The following IL1RAP variants were observed in gnomAD, a reference collection of about 807,000 sequenced individuals.
The protein encoded by IL1RAP is interleukin-1 receptor accessory protein.
In IL1RAP, 35 loss-of-function variants were observed where a neutral mutation model predicts 60.7. That is an observed-to-expected ratio of 0.58 (90% CI 0.44 to 0.76). The LOEUF is 0.76. Among genes scored for constraint, IL1RAP ranks in the 30% least tolerant of loss-of-function variants. IL1RAP has a pLI of 0.00. For missense variants in IL1RAP, 572 were observed against 693.9 expected (o/e 0.82, Z 1.97); for synonymous variants, 268 against 250.9 (o/e 1.07, Z -0.64).
At chr3:190,627,550 C>G in intron 8 of IL1RAP, 101 bp downstream of exon 8, 1 of 1,381,068 alleles carries the variant, frequency 7.2e-7, no homozygotes, top group Non-Finnish European at 9.6e-7. Context: ...CTCATTTTTC[C>G]CTATCACTAA....
chr3:190,535,070 G>A (rs967246519), intron 1 of IL1RAP, among the ~76,000 whole-genome samples: 15 of 152,078 alleles, frequency 9.9e-5, no homozygotes, highest in African/African-American at 3.6e-4. Flanking sequence ...CAGGGTATAT[G>A]GATTTCCTGT....
chr3:190,572,805 A>G (rs1237446957), intron 3 of IL1RAP, among the ~76,000 whole-genome samples: 1 of 150,076 alleles, frequency 6.7e-6, no homozygotes, highest in Non-Finnish European at 1.5e-5. Context: ...GTTTCCTTAC[A>G]TCTAGTGCCC....
chr3:190,526,040 A>G (rs2108522377), intron 1 of IL1RAP, among the ~76,000 whole-genome samples: 1 of 152,328 alleles, frequency 6.6e-6, no homozygotes, highest in Non-Finnish European at 1.5e-5. Context: ...ACAAATTTAA[A>G]TGGTACCTAA....
At chr3:190,558,295 C>A (rs1413161442) in intron 2 of IL1RAP, among the ~76,000 whole-genome samples, 2 of 152,064 alleles carry the variant, frequency 1.3e-5, no homozygotes, top group African/African-American at 2.4e-5. Context: ...TTCCCTTGGA[C>A]AAATATCCAA....
chr3:190,613,684 C>G (rs200932132), intron 5 of IL1RAP, among the ~76,000 whole-genome samples: 21 of 151,970 alleles, frequency 1.4e-4, no homozygotes, highest in African/African-American at 4.8e-4. Flanking sequence ...AATACAAAAA[C>G]TAGCCGGGCA....
intron 1 of IL1RAP, among the ~76,000 whole-genome samples, chr3:190,548,703 G>A (rs534265151): frequency 1.3e-5 from 2 of 152,326 alleles, no homozygotes; most frequent in African/African-American, 2.4e-5. Context: ...AGAGGTTTTA[G>A]AAAAGGAATA....
At chr3:190,586,518 C>T (rs1460152775) in intron 3 of IL1RAP, among the ~76,000 whole-genome samples, 4 of 152,156 alleles carry the variant, frequency 2.6e-5, no homozygotes, top group African/African-American at 9.7e-5. Flanking sequence ...GTGATTATGC[C>T]CTCCTATCTA....
At chr3:190,549,461 C>A (rs1364339313) in intron 1 of IL1RAP, among the ~76,000 whole-genome samples, 1 of 152,058 alleles carries the variant, frequency 6.6e-6, no homozygotes, top group Non-Finnish European at 1.5e-5. Flanking sequence ...TGTAAGGGTC[C>A]CCAGCAGAAG....
rs368837203 is a variant in IL1RAP at position 190,600,139 on chromosome 3, G to A, written c.65-3989G>A. Among the ~76,000 whole-genome samples the A allele has an allele frequency of 1.2e-4, 19 of 152,260 alleles. No homozygotes were observed. In the East Asian group the frequency reaches 1.7e-3, roughly 14 times the overall value. ...CTGATTGGAAATTCTAAATGTGAGT[G>A]TGAAGCCGTGATGCTCGTTAAACTT... On this transcript the variant is annotated intron_variant, in intron 3 of 11. Coordinates refer to ENST00000447382, the MANE Select transcript of IL1RAP (RefSeq NM_002182.4).
intron 3 of IL1RAP, among the ~76,000 whole-genome samples, chr3:190,580,062 A>G (rs7634818): frequency 0.051 from 7,830 of 152,208 alleles, 661 homozygotes; most frequent in African/African-American, 0.18. Context: ...TTGTGTGGAC[A>G]TATGTTTTCA....
chr3:190,605,525 A>G (rs1239420659), intron 4 of IL1RAP, among the ~76,000 whole-genome samples: 1 of 151,774 alleles, frequency 6.6e-6, no homozygotes, highest in African/African-American at 2.4e-5. Flanking sequence ...ACTTCCTGCT[A>G]TTTAACCGGT....
chr3:190,651,015 T>C lies in IL1RAP; in HGVS notation c.*2310T>C, dbSNP rs1734360405. 1 of 984,162 alleles carries C rather than the reference T, an allele frequency of 1.0e-6. No homozygotes were observed. The highest frequency in any genetic ancestry group is 1.2e-6 in the Non-Finnish European group (1 of 828,770). The allele number at this position is 984,162 out of a possible 1,614,324, so 61.0% of individuals were successfully genotyped here. A position where few individuals can be genotyped will look rare whatever the true frequency, so the allele number is the denominator to read the frequency against. ...GTACTTAATTTTACAAATGCTGTAA[T>C]ATAAAGCATATCAAGTTTATGTGAT... On this transcript the variant is annotated 3_prime_UTR_variant, in exon 12 of 12. Coordinates refer to ENST00000447382, the MANE Select transcript of IL1RAP (RefSeq NM_002182.4).
chr3:190,537,206 A>T (rs3773991), intron 1 of IL1RAP, among the ~76,000 whole-genome samples: 1 of 151,874 alleles, frequency 6.6e-6, no homozygotes, highest in South Asian at 2.1e-4. Flanking sequence ...CTTTAGATAC[A>T]TTTTCTCTTC....
intron 1 of IL1RAP, among the ~76,000 whole-genome samples, chr3:190,552,608 G>A (rs939041089): frequency 6.6e-6 from 1 of 151,952 alleles, no homozygotes; most frequent in Non-Finnish European, 1.5e-5. Flanking sequence ...TTTTTTTATA[G>A]ACATCACACA....
intron 3 of IL1RAP, among the ~76,000 whole-genome samples, chr3:190,598,797 G>A (rs555546931): frequency 6.6e-6 from 1 of 152,116 alleles, no homozygotes; most frequent in East Asian, 1.9e-4. Flanking sequence ...AGTAAATGAG[G>A]ATAATCTCAC....
chr3:190,656,667 T>C, exon 12 of IL1RAP: 1 of 993,456 alleles, frequency 1.0e-6, no homozygotes, highest in African/African-American at 1.6e-5. Context: ...GTCATGAACC[T>C]GTGGGAAAAT....
chr3:190,601,622 G>GT (rs1170551839), intron 3 of IL1RAP, among the ~76,000 whole-genome samples: 2 of 152,196 alleles, frequency 1.3e-5, no homozygotes, highest in Admixed American at 6.5e-5. Context: ...TGTTTTGCCA[G>GT]TTATCCACTG....
At chr3:190,531,922 G>T (rs1367112029) in intron 1 of IL1RAP, among the ~76,000 whole-genome samples, 3 of 152,256 alleles carry the variant, frequency 2.0e-5, no homozygotes, top group South Asian at 4.1e-4. Flanking sequence ...GCCATTAAAT[G>T]GAATACGTGT....
At chr3:190,607,902 T>C (rs1045471485) in intron 4 of IL1RAP, among the ~76,000 whole-genome samples, 5 of 152,204 alleles carry the variant, frequency 3.3e-5, no homozygotes, top group Non-Finnish European at 7.3e-5. Flanking sequence ...GCTGTCTCTA[T>C]TCCTCCTTTT....
Sources: gnomAD v4.1 joint callset for allele counts (sites outside exome capture counted in the v4.1 genomes callset) on GRCh38, gnomAD v4.1.1 for gene constraint, MANE v1.5 for transcripts, NCBI Gene and HGNC (gene_info 2026-07-23, HGNC 2026-07-21) for gene names.